Variants in DEDD2 observed in about 807,000 individuals in gnomAD.
DEDD2 encodes the protein death effector domain containing 2.
In DEDD2, 18 loss-of-function variants were observed where a neutral mutation model predicts 28.9. That is an observed-to-expected ratio of 0.62 (90% CI 0.43 to 0.92). The LOEUF (loss-of-function observed/expected upper bound fraction) is 0.92, where lower values mean the gene tolerates loss of function less well. Among genes scored for constraint, DEDD2 ranks in the 40% least tolerant of loss-of-function variants. DEDD2 has a pLI of 0.00. For synonymous variants in DEDD2, 211 were observed against 206.1 expected, an observed-to-expected ratio of 1.02 and a Z score of -0.20; for missense variants, 411 against 463.3, an observed-to-expected ratio of 0.89 and a Z score of 1.04.
chr19:42,207,532 C>CTTT lies in DEDD2; in HGVS notation c.589+2167_589+2168insAAA, dbSNP rs535887429. 4.7e-3 allele frequency among the ~76,000 whole-genome samples: 717 copies of CTTT among 152,260 alleles called. 3 individuals are homozygous for CTTT. The highest frequency in any genetic ancestry group is 7.5e-3 in the Non-Finnish European group (510 of 68,008). ...CAGCAGCCTCAGCCCTTTGCAGGGG[C>CTTT]TCGGCACCACCCCTGGCCTCATGTT... On this transcript the variant is annotated intron_variant, in intron 4 of 4. Coordinates refer to ENST00000596251, the MANE Select transcript of DEDD2 (RefSeq NM_133328.4).
At chr19:42,217,114 G>C in intron 1 of DEDD2, 69 bp from the exon 2 acceptor site, 1 of 1,228,048 alleles carries the variant, frequency 8.1e-7, no homozygotes. Context: ...CACCGCCAGC[G>C]CGTCTCCCCC....
At chr19:42,202,648 C>T (rs1000758480) in intron 4 of DEDD2, among the ~76,000 whole-genome samples, 3 of 152,190 alleles carry the variant, frequency 2.0e-5, no homozygotes, top group Non-Finnish European at 2.9e-5. Context: ...ACAAGTGGGA[C>T]GGGGAGACAT....
At position 42,216,878 on chromosome 19, in the gene DEDD2, G is replaced by C; in HGVS notation, c.130C>G (p.Leu44Val). The C allele has an allele frequency of 5.0e-6, 8 of 1,597,130 alleles. No homozygotes were observed. Among genetic ancestry groups the C allele is most frequent in the Non-Finnish European group, 6.8e-6 (8 of 1,172,452 alleles). ...GGQLTECELELLAFLLDEAPG... is the reference protein window; with the variant it reads ...GGQLTECELEVLAFLLDEAPG... ...GCCTCATCCAGCAGAAAGGCCAGGAGCTCCAGCTCGCACTCGGTCAGTTGC... is the reference window on the plus strand; with the variant it reads ...GCCTCATCCAGCAGAAAGGCCAGGACCTCCAGCTCGCACTCGGTCAGTTGC... Residue 44 changes from leucine to valine, a missense_variant, in exon 2 of 5, where the codon CTC becomes GTC. By Grantham distance (32) the Leu-to-Val change is conservative. Around this residue, in one of 2 missense-constraint regions of DEDD2, gnomAD observed 282 missense variants for 273.4 expected, o/e 1.03. Transcript: ENST00000596251.
At chr19:42,209,893 C>T (rs1325177056) in intron 3 of DEDD2, 53 bp from the exon 4 acceptor site, 2 of 1,477,272 alleles carry the variant, frequency 1.4e-6, no homozygotes, top group South Asian at 1.4e-5. Flanking sequence ...GCTAGAGTGC[C>T]CAGGTGTATG....
chr19:42,218,776 T>C (rs1000596705), upstream of DEDD2, among the ~76,000 whole-genome samples: 1 of 152,230 alleles, frequency 6.6e-6, no homozygotes, highest in Admixed American at 6.5e-5. Flanking sequence ...CTCACGTCTG[T>C]AATCCCAGCA....
intron 4 of DEDD2, among the ~76,000 whole-genome samples, chr19:42,200,947 G>A (rs1031241528): frequency 9.2e-5 from 14 of 151,404 alleles, no homozygotes; most frequent in Non-Finnish European, 1.6e-4. Flanking sequence ...ACTTAGGCTA[G>A]TGACAGTACC....
intron 3 of DEDD2, among the ~76,000 whole-genome samples, chr19:42,210,104 A>AGGAGACACACACGACAACCGCCACCAG: frequency 6.6e-6 from 1 of 152,286 alleles, no homozygotes; most frequent in African/African-American, 2.4e-5. Context: ...CACTTACACC[A>AGGAGACACACACGACAACCGCCACCAG]GGAGACACAC....
chr19:42,199,104 C>A lies in DEDD2; in HGVS notation c.*334G>T. 3.0e-6 allele frequency: 1 copy of A among 331,364 alleles called. No homozygotes were observed. The highest frequency in any genetic ancestry group is 5.6e-6 in the Non-Finnish European group (1 of 177,012). The allele number at this position is 331,364 out of a possible 1,614,324, so 20.5% of individuals were successfully genotyped here. A position where few individuals can be genotyped will look rare whatever the true frequency, so the allele number is the denominator to read the frequency against. Reference sequence around the variant, plus strand: ...GTGTGTGCACCTGTGACAGTGCAGACAGCCCAAGATCAGAGATACAATGTG... The same window carrying A: ...GTGTGTGCACCTGTGACAGTGCAGAAAGCCCAAGATCAGAGATACAATGTG... On this transcript the variant is annotated 3_prime_UTR_variant, in exon 5 of 5. Coordinates refer to ENST00000596251, the MANE Select transcript of DEDD2 (RefSeq NM_133328.4). The surrounding 1 kb of genome is among the most constrained non-coding windows in gnomAD (Gnocchi z 7.4).
At chr19:42,215,026 CA>C in intron 3 of DEDD2, 106 bp downstream of exon 3, 5 of 1,470,538 alleles carry the variant, frequency 3.4e-6, no homozygotes, top group Non-Finnish European at 4.6e-6. Context: ...CACACACACA[CA>C]CACAGTGAAA....
intron 4 of DEDD2, among the ~76,000 whole-genome samples, chr19:42,201,557 G>T (rs936769459): frequency 2.4e-4 from 36 of 152,234 alleles, no homozygotes; most frequent in African/African-American, 8.7e-4. Flanking sequence ...TGACAGATGA[G>T]GAAACAAGGC....
intron 3 of DEDD2, among the ~76,000 whole-genome samples, chr19:42,213,214 G>A (rs2035835093): frequency 6.6e-6 from 1 of 152,078 alleles, no homozygotes; most frequent in East Asian, 1.9e-4. Context: ...ATAGTGTATG[G>A]GTCTATAGTG....
intron 3 of DEDD2, among the ~76,000 whole-genome samples, chr19:42,210,238 A>C (rs2064589476): frequency 1.3e-5 from 2 of 152,318 alleles, no homozygotes; most frequent in South Asian, 4.1e-4. Context: ...AAAGCAAGAT[A>C]CAAAATAAGT....
rs959080862 is a variant in DEDD2 at position 42,198,649 on chromosome 19, G to A, written c.*789C>T. 1.3e-5 allele frequency: 2 copies of A among 152,246 alleles called. No individual in the cohort carries two copies. Among genetic ancestry groups the A allele is most frequent in the African/African-American group, 4.8e-5 (2 of 41,450 alleles). 9.4% of individuals were successfully genotyped at this position (152,246 alleles called of 1,614,324 possible). ...GTTTAATTGGTATCATTTGTAAAAG[G>A]TCTTTTCCATCACCCCCAAAGCCTT... On this transcript the variant is annotated 3_prime_UTR_variant, in exon 5 of 5. Coordinates refer to ENST00000596251, the MANE Select transcript of DEDD2 (RefSeq NM_133328.4).
intron 4 of DEDD2, among the ~76,000 whole-genome samples, chr19:42,207,267 G>C (rs1177068826): frequency 2.0e-5 from 3 of 152,200 alleles, no homozygotes; most frequent in Non-Finnish European, 4.4e-5. Flanking sequence ...TACAAAGCAG[G>C]CATGATGCCC....
At chr19:42,211,000 C>G (rs907775746) in intron 3 of DEDD2, among the ~76,000 whole-genome samples, 2 of 148,290 alleles carry the variant, frequency 1.3e-5, no homozygotes, top group African/African-American at 5.0e-5. Context: ...AACCCAGGAG[C>G]TGGAGGCTGC....
chr19:42,199,196 T>C lies in DEDD2; in HGVS notation c.*242A>G. 1.7e-6 allele frequency: 1 copy of C among 582,174 alleles called. No homozygotes were observed. The highest frequency in any genetic ancestry group is 2.9e-6 in the Non-Finnish European group (1 of 341,026). 36.1% of individuals were successfully genotyped at this position (582,174 alleles called of 1,614,324 possible). A position where few individuals can be genotyped will look rare whatever the true frequency, so the allele number is the denominator to read the frequency against. On this transcript the variant is annotated 3_prime_UTR_variant, in exon 5 of 5. Transcript: ENST00000596251. The surrounding 1 kb of genome is among the most constrained non-coding windows in gnomAD (Gnocchi z 7.4). ...CTGAGATACAGGCCCAGCCCCCGCC[T>C]CCGGAGGCTAAGGGGGCACACCTGG...
At chr19:42,204,765 C>G (rs922058652) in intron 4 of DEDD2, among the ~76,000 whole-genome samples, 1 of 150,556 alleles carries the variant, frequency 6.6e-6, no homozygotes, top group Non-Finnish European at 1.5e-5. Flanking sequence ...CCCCGCCCCG[C>G]CCCCACACCA....
At chr19:42,209,902 T>G in intron 3 of DEDD2, 62 bp from the exon 4 acceptor site, 1 of 1,461,708 alleles carries the variant, frequency 6.8e-7, no homozygotes, top group Non-Finnish European at 9.0e-7. Context: ...CCCAGGTGTA[T>G]GCCTGGAAAA....
intron 4 of DEDD2, among the ~76,000 whole-genome samples, chr19:42,208,943 A>G (rs1037881722): frequency 3.3e-5 from 5 of 152,198 alleles, no homozygotes; most frequent in African/African-American, 1.2e-4. Flanking sequence ...CAGATGTGGA[A>G]ACTGAGGTGG....
Sources: allele counts gnomAD v4.1 joint callset (sites outside exome capture counted in the v4.1 genomes callset), GRCh38; gene constraint gnomAD v4.1.1; regional missense constraint gnomAD v4.1.1; non-coding constraint Gnocchi (gnomAD v3.1); transcripts MANE v1.5; gene names NCBI Gene and HGNC (gene_info 2026-07-23, HGNC 2026-07-21).